CNBD2: variants seen among roughly 807,000 people sequenced by gnomAD.
The protein encoded by CNBD2 is cyclic nucleotide binding domain containing 2.
In CNBD2, 64 loss-of-function variants were observed where a neutral mutation model predicts 63.7. That is an observed-to-expected ratio of 1.00 (90% confidence interval 0.82 to 1.24). The LOEUF is 1.24. CNBD2 is among the 50% of genes most tolerant of loss of function. The pLI is 0.00. For missense variants in CNBD2, 691 were observed against 713.5 expected (o/e 0.97, Z 0.36); for synonymous variants, 229 against 255.4 (o/e 0.90, Z 0.99).
chr20:36,004,918 A>G (rs1448226310), intron 8 of CNBD2, among the ~76,000 whole-genome samples: 1 of 152,184 alleles, frequency 6.6e-6, no homozygotes, highest in Admixed American at 6.5e-5. Flanking sequence ...TTTCAAGTAG[A>G]AGAGAAAATT....
chr20:36,021,694 GCTGAAGA>G, intron 10 of CNBD2, among the ~76,000 whole-genome samples: 1 of 152,296 alleles, frequency 6.6e-6, no homozygotes, highest in Non-Finnish European at 1.5e-5. Flanking sequence ...CAGCTGAGAG[GCTGAAGA>G]CTGAGCACTG....
At chr20:35,992,901 A>G (rs2056767242) in intron 7 of CNBD2, among the ~76,000 whole-genome samples, 1 of 151,894 alleles carries the variant, frequency 6.6e-6, no homozygotes, top group Non-Finnish European at 1.5e-5. Flanking sequence ...TAGTTTACTC[A>G]TATTACCACT....
At chr20:36,015,025 G>T (rs1334361520) in intron 10 of CNBD2, among the ~76,000 whole-genome samples, 1 of 152,108 alleles carries the variant, frequency 6.6e-6, no homozygotes, top group African/African-American at 2.4e-5. Context: ...GCCAACATTT[G>T]TCATATTTTG....
At chr20:36,003,680 C>T (rs2056946447) in intron 8 of CNBD2, among the ~76,000 whole-genome samples, 1 of 152,052 alleles carries the variant, frequency 6.6e-6, no homozygotes, top group Non-Finnish European at 1.5e-5. Flanking sequence ...ACAAATTGCC[C>T]CAAAACTTAG....
chr20:36,002,434 AGGAGAG>A (rs1401846714), intron 8 of CNBD2, among the ~76,000 whole-genome samples: 2 of 151,856 alleles, frequency 1.3e-5, no homozygotes, highest in African/African-American at 2.4e-5. Context: ...GAGACGGAGA[AGGAGAG>A]GGAGAGGGAG....
intron 3 of CNBD2, 80 bp from the exon 4 acceptor site, chr20:35,980,379 G>A: frequency 7.5e-7 from 1 of 1,325,470 alleles, no homozygotes; most frequent in Middle Eastern, 2.0e-4. Context: ...GAGTGTACAA[G>A]CAGGACTGTG....
At chr20:35,954,472 A>T, upstream of CNBD2, 1 of 1,547,460 alleles carries the variant, frequency 6.5e-7, no homozygotes, top group South Asian at 1.2e-5. Context: ...CGCCTGCGGC[A>T]GCCGGAAGCG....
At chr20:36,001,712 C>T (rs1315729358) in intron 8 of CNBD2, among the ~76,000 whole-genome samples, 13 of 150,910 alleles carry the variant, frequency 8.6e-5, no homozygotes, top group Non-Finnish European at 1.5e-4. Context: ...TCCTCACCTC[C>T]CAGACGGGGT....
chr20:35,968,674 C>T lies in CNBD2; in HGVS notation c.-89C>T. ...TGTTACTGAGGAAATCTATTTGTTT[C>T]TAGTATTACTGGATTTTTGGGGAAA... On this transcript the variant is annotated 5_prime_UTR_variant, in exon 1 of 12. Transcript: ENST00000373973. The T allele has an allele frequency of 2.2e-6, 2 of 921,744 alleles. No individual in the cohort carries two copies. Among genetic ancestry groups the T allele is most frequent in the Non-Finnish European group, 1.7e-6 (1 of 581,002 alleles). 57.1% of individuals were successfully genotyped at this position (921,744 alleles called of 1,614,324 possible). A position where few individuals can be genotyped will look rare whatever the true frequency, so the allele number is the denominator to read the frequency against.
Position 36,011,238 on chromosome 20 carries a change from T to C in CNBD2, c.1250T>C (p.Val417Ala). ...GGGGCCTACGTGAAGGTGCACACTG[T>C]GGAGCAGGGAGAAATTTTGGTGAGT... ...AVGAYVKVHT[V>A]EQGEILGLHQ... Residue 417 changes from valine to alanine, a missense_variant, in exon 10 of 12, where the codon GTG becomes GCG. Physicochemically the swap from Val to Ala is moderately conservative, Grantham distance 64 (BLOSUM62 0). Coordinates refer to ENST00000373973, the MANE Select transcript of CNBD2 (RefSeq NM_001365709.1). The C allele has an allele frequency of 6.4e-7, 1 of 1,568,832 alleles. No homozygotes were observed. The highest frequency in any genetic ancestry group is 1.2e-5 in the South Asian group (1 of 84,188).
intron 11 of CNBD2, among the ~76,000 whole-genome samples, chr20:36,024,416 G>T (rs1220902292): frequency 6.6e-6 from 1 of 151,942 alleles, no homozygotes; most frequent in Non-Finnish European, 1.5e-5. Context: ...ATCACCTGAG[G>T]TCAGGAGTTT....
intron 11 of CNBD2, 119 bp from the exon 12 acceptor site, chr20:36,030,238 T>C: frequency 1.0e-6 from 1 of 976,408 alleles, no homozygotes. Flanking sequence ...AAGGAGAGTC[T>C]GGGAGGGTCA....
At chr20:36,009,629 C>T (rs937382384) in intron 9 of CNBD2, among the ~76,000 whole-genome samples, 2 of 152,020 alleles carry the variant, frequency 1.3e-5, no homozygotes, top group African/African-American at 2.4e-5. Context: ...GTCAGGAGTT[C>T]GTGACCAGCC....
intron 7 of CNBD2, among the ~76,000 whole-genome samples, chr20:35,992,136 C>T (rs1046147458): frequency 1.4e-4 from 21 of 152,346 alleles, no homozygotes; most frequent in Non-Finnish European, 2.1e-4. Flanking sequence ...CCTCCTCGGC[C>T]TCCCAAAGTG....
At chr20:35,985,486 C>T in intron 6 of CNBD2, among the ~76,000 whole-genome samples, 1 of 139,484 alleles carries the variant, frequency 7.2e-6, no homozygotes, top group African/African-American at 2.7e-5. Flanking sequence ...AACTATAATT[C>T]CTTTTTTTTT....
chr20:35,954,508 G>C, upstream of CNBD2: 2 of 1,534,568 alleles, frequency 1.3e-6, no homozygotes, highest in Non-Finnish European at 1.8e-6. Flanking sequence ...TCTGCGTCCA[G>C]GTCGGCGCGC....
chr20:36,018,573 A>G (rs2057166230), intron 10 of CNBD2, among the ~76,000 whole-genome samples: 1 of 152,010 alleles, frequency 6.6e-6, no homozygotes, highest in Non-Finnish European at 1.5e-5. Flanking sequence ...GCTTGACTGA[A>G]CCCGCCCCCT....
chr20:36,007,167 C>T (rs779000544), intron 8 of CNBD2, among the ~76,000 whole-genome samples: 3 of 151,356 alleles, frequency 2.0e-5, no homozygotes, highest in South Asian at 2.1e-4. Context: ...TCAGCCTGGG[C>T]GACAGAGTGA....
At chr20:35,954,645 T>G, upstream of CNBD2, 1 of 1,283,158 alleles carries the variant, frequency 7.8e-7, no homozygotes. Context: ...TCCTTCCGAA[T>G]GGTGGCGCCT....
Sources: gnomAD v4.1 joint callset for allele counts (sites outside exome capture counted in the v4.1 genomes callset) on GRCh38, gnomAD v4.1.1 for gene constraint, MANE v1.5 for transcripts, NCBI Gene and HGNC (gene_info 2026-07-23, HGNC 2026-07-21) for gene names.